Variants in PER2 observed in about 807,000 individuals in gnomAD.
The protein encoded by PER2 is period circadian protein homolog 2.
Under a neutral mutation model 121.0 loss-of-function variants are expected in PER2, and 66 were observed. The observed-to-expected ratio is 0.55, with a 90% CI of 0.45 to 0.67. The LOEUF is 0.67. PER2 is among the 30% of genes least tolerant of loss of function. The probability of loss-of-function intolerance (pLI) is 0.00; values close to 1 mark genes in which losing one functional copy is unlikely to be tolerated. For missense variants in PER2, 1,521 were observed against 1,635.0 expected, an observed-to-expected ratio of 0.93 and a Z score of 1.20; for synonymous variants, 684 against 659.9, an observed-to-expected ratio of 1.04 and a Z score of -0.56.
chr2:238,282,242 C>T (rs556269278), intron 1 of PER2, among the ~76,000 whole-genome samples: 20 of 152,206 alleles, frequency 1.3e-4, no homozygotes, highest in South Asian at 8.3e-4. Context: ...GCTGCTCCCT[C>T]GTGCCCACAG....
rs1287186527 is a variant in PER2 at position 238,258,655 on chromosome 2, G to A, written c.1628-11C>T. 1.2e-6 allele frequency: 2 copies of A among 1,613,158 alleles called. No individual in the cohort carries two copies. The highest frequency in any genetic ancestry group is 1.1e-5 in the South Asian group (1 of 91,080). ...GATTAGTTTGCATTTCTGAAGGAAT[G>A]GCAAAATTGTTCTTTCATTCATTTT... On this transcript the variant is annotated splice_polypyrimidine_tract_variant and intron_variant, in intron 14 of 22. Coordinates refer to ENST00000254657, the MANE Select transcript of PER2 (RefSeq NM_022817.3).
At chr2:238,285,021 A>T in intron 1 of PER2, among the ~76,000 whole-genome samples, 2 of 22,656 alleles carry the variant, frequency 8.8e-5, no homozygotes, top group South Asian at 1.3e-3. Context: ...GGGTAGGGGG[A>T]GGGAGGGTGG....
At chr2:238,255,471 C>T (rs1481715128) in intron 18 of PER2, 186 bp downstream of exon 18, 10 of 679,872 alleles carry the variant, frequency 1.5e-5, no homozygotes, top group South Asian at 5.1e-5. Context: ...GCTGACATCC[C>T]GAGAGCACCC....
chr2:238,248,830 T>C (rs1695517230), intron 22 of PER2: 1 of 474,086 alleles, frequency 2.1e-6, no homozygotes, highest in South Asian at 1.8e-5. Flanking sequence ...TAATTTTTTG[T>C]ATTTTTAGTA....
At position 238,252,947 on chromosome 2, in the gene PER2, T is replaced by A; in HGVS notation, c.3076A>T (p.Thr1026Ser). 6.2e-7 allele frequency: 1 copy of A among 1,613,798 alleles called. No homozygotes were observed. Among genetic ancestry groups the A allele is most frequent in the Non-Finnish European group, 8.5e-7 (1 of 1,180,018 alleles). ...AAVGADCKPG[T>S]SRDQQPKAPL... ...GCCTTCGGCTGCTGGTCCCGAGAAG[T>A]GCCAGGTTTGCAGTCCGCCCCTACA... Residue 1026 changes from threonine to serine, a missense_variant, in exon 19 of 23, where the codon ACT becomes TCT. Coordinates refer to ENST00000254657, the MANE Select transcript of PER2 (RefSeq NM_022817.3). The surrounding 1 kb of genome is among the most constrained non-coding windows in gnomAD (Gnocchi z 4.2).
intron 13 of PER2, 116 bp downstream of exon 13, chr2:238,260,711 CA>C: frequency 8.9e-7 from 1 of 1,129,370 alleles, no homozygotes; most frequent in African/African-American, 1.5e-5. Flanking sequence ...AAGGAAGCAG[CA>C]ACAGCTGCAA....
chr2:238,261,042 G>C (rs1695912289), intron 12 of PER2, 89 bp from the exon 13 acceptor site: 4 of 1,498,252 alleles, frequency 2.7e-6, no homozygotes, highest in Non-Finnish European at 2.7e-6. Context: ...GTTTCGCAGA[G>C]AGGATGGCGA....
chr2:238,261,962 G>A (rs1012214937), intron 11 of PER2, 125 bp from the exon 12 acceptor site: 2 of 752,954 alleles, frequency 2.7e-6, no homozygotes, highest in Non-Finnish European at 2.2e-6. Flanking sequence ...AGCCCCCCAG[G>A]CTGCTGCCTG....
In PER2 at chr2:238,277,732, C is replaced by A; in HGVS notation, c.205G>T (p.Val69Leu). 1.2e-6 allele frequency: 2 copies of A among 1,614,180 alleles called. No individual in the cohort carries two copies. The highest frequency in any genetic ancestry group is 1.7e-6 in the Non-Finnish European group (2 of 1,180,038). ...DDSGKELGML[V>L]EPPDARQSPD... ...CTCTGGCGGGCATCCGGTGGCTCCA[C>A]CAGCATCCCCAGCTCCTTCCCACTG... Residue 69 changes from valine (V) to leucine (L), a missense_variant, in exon 2 of 23, where the codon GTG becomes TTG. Coordinates refer to ENST00000254657, the MANE Select transcript of PER2 (RefSeq NM_022817.3).
chr2:238,297,370 C>A, the PER2 span, among the ~76,000 whole-genome samples: 11 of 152,288 alleles, frequency 7.2e-5, no homozygotes, highest in Non-Finnish European at 1.3e-4. Flanking sequence ...AGGCAGGGAG[C>A]TTTGAGACCA....
chr2:238,286,425 A>C (rs769902432), intron 1 of PER2, among the ~76,000 whole-genome samples: 2 of 151,796 alleles, frequency 1.3e-5, no homozygotes, highest in Non-Finnish European at 2.9e-5. Flanking sequence ...TTTGCTCTAG[A>C]CTTGGAGATA....
At position 238,253,628 on chromosome 2, in the gene PER2, A is replaced by G. The variant is rs1458953622; in HGVS notation, c.2395T>C (p.Ser799Pro). 1 of 1,609,444 alleles carries G rather than the reference A, an allele frequency of 6.2e-7. No homozygotes were observed. The highest frequency in any genetic ancestry group is 8.5e-7 in the Non-Finnish European group (1 of 1,177,792). ...GAGTCTCGAGGTTTGACCCGCTTGG[A>G]CTTCAATTTTCTGTTCTTTCCTGTT... ...KKTGKNRKLK[S>P]KRVKPRDSSE... The change falls in exon 19 of 23, where the codon TCC becomes CCC. Residue 799 changes from serine (S) to proline (P), a missense_variant. By Grantham distance (74) the Ser-to-Pro change is moderately conservative. Transcript: ENST00000254657. The surrounding 1 kb of genome is among the most constrained non-coding windows in gnomAD (Gnocchi z 5.6).
intron 1 of PER2, among the ~76,000 whole-genome samples, chr2:238,286,733 T>C (rs539194197): frequency 2.5e-4 from 38 of 152,394 alleles, no homozygotes; most frequent in Admixed American, 4.6e-4. Context: ...CCCTGCCAGC[T>C]GTTCAATGAC....
At chr2:238,256,028 G>A in intron 17 of PER2, 117 bp from the exon 18 acceptor site, 1 of 1,276,350 alleles carries the variant, frequency 7.8e-7, no homozygotes, top group Non-Finnish European at 1.1e-6. Context: ...CATGATGCCT[G>A]TGGCATGAGG....
In PER2 at chr2:238,245,251, A is replaced by G. The variant is rs1318319460; in HGVS notation, c.*1124T>C. 3.3e-5 allele frequency: 9 copies of G among 269,072 alleles called. No homozygotes were observed. The highest frequency in any genetic ancestry group is 5.5e-5 in the Non-Finnish European group (8 of 144,198). 16.7% of individuals were successfully genotyped at this position (269,072 alleles called of 1,614,324 possible). ...GGCAGACTGGCCTCACTTTTCCCCAAGTGTCCAAATGACCTAAAAGTGCTG... is the reference window on the plus strand; with the variant it reads ...GGCAGACTGGCCTCACTTTTCCCCAGGTGTCCAAATGACCTAAAAGTGCTG... On this transcript the variant is annotated 3_prime_UTR_variant, in exon 23 of 23. Coordinates refer to ENST00000254657, the MANE Select transcript of PER2 (RefSeq NM_022817.3).
chr2:238,256,059 AT>A, intron 17 of PER2, 148 bp from the exon 18 acceptor site: 1 of 1,065,022 alleles, frequency 9.4e-7, no homozygotes, highest in Non-Finnish European at 1.4e-6. Context: ...CAGCGTTTTC[AT>A]TTAGCTTTCT....
At chr2:238,272,914 T>C (rs1696334009) in intron 5 of PER2, among the ~76,000 whole-genome samples, 156 bp downstream of exon 5, 1 of 152,232 alleles carries the variant, frequency 6.6e-6, no homozygotes, top group South Asian at 2.1e-4. Context: ...ACTTCCAGAA[T>C]CACTGACTTC....
At chr2:238,298,057 G>A in the PER2 span, among the ~76,000 whole-genome samples, 3 of 144,540 alleles carry the variant, frequency 2.1e-5, no homozygotes, top group Non-Finnish European at 4.5e-5. Context: ...TTGTGATACG[G>A]AGTCTCGCTC....
chr2:238,283,727 G>A (rs147791872), intron 1 of PER2, among the ~76,000 whole-genome samples: 12 of 152,342 alleles, frequency 7.9e-5, no homozygotes, highest in Non-Finnish European at 1.3e-4. Context: ...TGGAAGCAAG[G>A]AGACCTCTCA....
Sources: gnomAD v4.1 joint callset for allele counts (sites outside exome capture counted in the v4.1 genomes callset) on GRCh38, gnomAD v4.1.1 for gene constraint, Gnocchi (gnomAD v3.1) non-coding constraint, MANE v1.5 for transcripts, NCBI Gene and HGNC (gene_info 2026-07-23, HGNC 2026-07-21) for gene names.